The following CNIH3 variants were observed in gnomAD, a reference collection of about 807,000 sequenced individuals.
CNIH3 encodes protein cornichon homolog 3.
Under a neutral mutation model 24.1 loss-of-function variants are expected in CNIH3, and 14 were observed. The ratio of observed to expected loss-of-function variants is 0.58; its 90% CI spans 0.38 to 0.91. The LOEUF is 0.91. Among genes scored for constraint, CNIH3 ranks in the 40% least tolerant of loss-of-function variants. The probability of loss-of-function intolerance (pLI) is 0.00; values close to 1 mark genes in which losing one functional copy is unlikely to be tolerated. For missense variants in CNIH3, 178 were observed against 196.8 expected, an observed-to-expected ratio of 0.90 and a Z score of 0.57; for synonymous variants, 68 against 73.8, an observed-to-expected ratio of 0.92 and a Z score of 0.40.
At chr1:224,520,858 A>T (rs1678597987) in intron 1 of CNIH3, 1 of 152,218 alleles carries the variant, frequency 6.6e-6, no homozygotes, top group Non-Finnish European at 1.5e-5. Flanking sequence ...AGAACCAGAA[A>T]GCCTGAAAAC....
intron 1 of CNIH3, 42 bp downstream of exon 1, chr1:224,617,297 C>A: frequency 6.3e-7 from 1 of 1,598,482 alleles, no homozygotes; most frequent in Non-Finnish European, 8.5e-7. Context: ...GCCCCAATTT[C>A]GCTAAATTTC....
chr1:224,533,543 G>A (rs551017728), intron 2 of CNIH3, among the ~76,000 whole-genome samples: 83 of 152,326 alleles, frequency 5.4e-4, no homozygotes, highest in African/African-American at 1.9e-3. Context: ...GGGGCTGGAA[G>A]TCTGTCATCG....
intron 3 of CNIH3, among the ~76,000 whole-genome samples, chr1:224,558,074 G>A (rs1372490007): frequency 6.6e-6 from 1 of 152,184 alleles, no homozygotes; most frequent in Non-Finnish European, 1.5e-5. Flanking sequence ...AAACCATTTG[G>A]CCTGGGCTCA....
At chr1:224,697,636 A>G (rs1048383897) in intron 3 of CNIH3, among the ~76,000 whole-genome samples, 1 of 152,118 alleles carries the variant, frequency 6.6e-6, no homozygotes, top group Non-Finnish European at 1.5e-5. Flanking sequence ...CTGCTTCCAG[A>G]TGCTTCATTT....
intron 4 of CNIH3, 89 bp from the exon 5 acceptor site, chr1:224,734,474 T>A: frequency 7.2e-7 from 1 of 1,379,982 alleles, no homozygotes; most frequent in Non-Finnish European, 1.0e-6. Context: ...CAGGGATTGC[T>A]CGACAGAAGC....
At chr1:224,669,548 C>T (rs1685761387) in intron 1 of CNIH3, among the ~76,000 whole-genome samples, 1 of 152,290 alleles carries the variant, frequency 6.6e-6, no homozygotes, top group South Asian at 2.1e-4. Context: ...CCCCAGCTTT[C>T]CCCTGCAGTG....
At chr1:224,540,143 A>T (rs1345758761), downstream of CNIH3, among the ~76,000 whole-genome samples, 1 of 152,228 alleles carries the variant, frequency 6.6e-6, no homozygotes, top group Admixed American at 6.5e-5. Context: ...AAAGAAAATC[A>T]TCTAGTTCCT....
In CNIH3 at chr1:224,616,551, G is replaced by C; in HGVS notation, c.-624G>C. On this transcript the variant is annotated 5_prime_UTR_variant, in exon 1 of 6. Transcript: ENST00000272133. ...CGCCTCGGAGCGCACGGCTGCGCTG[G>C]AAGCCGCGTCTGGGGCGCAGGACCA... The C allele has an allele frequency of 1.0e-6, 1 of 987,046 alleles. No homozygotes were observed. Among genetic ancestry groups the C allele is most frequent in the Non-Finnish European group, 1.2e-6 (1 of 830,992 alleles). 61.1% of individuals were successfully genotyped at this position (987,046 alleles called of 1,614,324 possible).
At chr1:224,638,549 T>C (rs1253226985) in intron 1 of CNIH3, among the ~76,000 whole-genome samples, 4 of 152,200 alleles carry the variant, frequency 2.6e-5, no homozygotes, top group Non-Finnish European at 5.9e-5. Context: ...GCCGTAACAT[T>C]CTGGGCCCCA....
upstream of CNIH3, among the ~76,000 whole-genome samples, chr1:224,614,004 A>C (rs758717230): frequency 5.3e-5 from 8 of 151,840 alleles, no homozygotes; most frequent in Non-Finnish European, 8.8e-5. Flanking sequence ...TTAGCCCTGC[A>C]AGAAGCTGGG....
chr1:224,663,207 AAGATG>A (rs1200967721), intron 1 of CNIH3, among the ~76,000 whole-genome samples: 1 of 152,176 alleles, frequency 6.6e-6, no homozygotes, highest in Non-Finnish European at 1.5e-5. Flanking sequence ...AAGACCTTCC[AAGATG>A]AGATGAGATC....
intron 1 of CNIH3, among the ~76,000 whole-genome samples, chr1:224,439,746 G>A (rs1674812684): frequency 6.6e-6 from 1 of 151,246 alleles, no homozygotes; most frequent in African/African-American, 2.4e-5. Flanking sequence ...CGAGTAGCTG[G>A]GACTACAGGC....
At position 224,597,174 on chromosome 1, in the gene CNIH3, C is replaced by CA. The variant is rs71725215; in HGVS notation, n.402+30921dup. Among the ~76,000 whole-genome samples the CA allele has an allele frequency of 1.6e-3, 239 of 146,902 alleles. 1 individual carries two copies. The highest frequency in any genetic ancestry group is 3.4e-3 in the Middle Eastern group (1 of 292). On this transcript the variant is annotated intron_variant and non_coding_transcript_variant, in intron 3 of 7. Coordinates refer to the CNIH3 transcript ENST00000478120. The stretch of plus-strand genomic sequence containing the variant: ...TCTCAAAAACAAACAAACAAACAAA[C>CA]AAAAAAAAAAACAAAAACCAAACCA...
chr1:224,702,659 G>A (rs1480860236), intron 3 of CNIH3, among the ~76,000 whole-genome samples: 4 of 152,208 alleles, frequency 2.6e-5, no homozygotes, highest in Non-Finnish European at 5.9e-5. Flanking sequence ...ACTGGGGGAC[G>A]TTTAAAACCC....
chr1:224,571,707 A>G (rs1385395901), intron 4 of CNIH3, among the ~76,000 whole-genome samples: 1 of 152,206 alleles, frequency 6.6e-6, no homozygotes, highest in Non-Finnish European at 1.5e-5. Flanking sequence ...CCTTGGCGAC[A>G]GAGTGAGACT....
chr1:224,721,318 C>T (rs1688712288), intron 3 of CNIH3, among the ~76,000 whole-genome samples: 1 of 152,072 alleles, frequency 6.6e-6, no homozygotes, highest in Non-Finnish European at 1.5e-5. Flanking sequence ...GAGGTGAGTG[C>T]CTCTCCTCTC....
At chr1:224,631,534 C>T (rs900512269) in intron 1 of CNIH3, among the ~76,000 whole-genome samples, 33 of 152,154 alleles carry the variant, frequency 2.2e-4, no homozygotes, top group African/African-American at 7.5e-4. Flanking sequence ...CCTTCTTTCT[C>T]CCTCTTTCTC....
intron 2 of CNIH3, chr1:224,529,277 C>G (rs534847377): frequency 6.6e-6 from 1 of 152,228 alleles, no homozygotes; most frequent in Non-Finnish European, 1.5e-5. Context: ...TTGATACAAT[C>G]TGTGTCAGCC....
intron 3 of CNIH3, among the ~76,000 whole-genome samples, chr1:224,694,217 G>A (rs1459840098): frequency 6.6e-6 from 1 of 152,218 alleles, no homozygotes; most frequent in Non-Finnish European, 1.5e-5. Context: ...AAGTTGCTAT[G>A]TCCTGGCTGT....
Sources: gnomAD v4.1 joint callset for allele counts (sites outside exome capture counted in the v4.1 genomes callset) on GRCh38, gnomAD v4.1.1 for gene constraint, MANE v1.5 for transcripts, NCBI Gene and HGNC (gene_info 2026-07-23, HGNC 2026-07-21) for gene names.